The following DPP6 variants were observed in gnomAD, a reference collection of about 807,000 sequenced individuals.
The protein encoded by DPP6 is dipeptidyl peptidase like 6.
A neutral mutation model predicts 122.6 loss-of-function variants in DPP6; 69 were observed. The observed-to-expected ratio is 0.56, with a 90% CI of 0.46 to 0.69. The LOEUF (loss-of-function observed/expected upper bound fraction) is 0.69, where lower values mean the gene tolerates loss of function less well. DPP6 is among the 30% of genes least tolerant of loss of function. DPP6 has a pLI of 0.00. For synonymous variants in DPP6, 418 were observed against 433.1 expected, an observed-to-expected ratio of 0.97 and a Z score of 0.43; for missense variants, 928 against 1,116.9, an observed-to-expected ratio of 0.83 and a Z score of 2.41.
At chr7:154,028,122 G>A (rs1418429260) in intron 1 of DPP6, among the ~76,000 whole-genome samples, 1 of 151,916 alleles carries the variant, frequency 6.6e-6, no homozygotes, top group African/African-American at 2.4e-5. Context: ...TCGCATGGCT[G>A]TGGAGCCGGG....
At chr7:154,532,657 A>G (rs888764699) in intron 3 of DPP6, among the ~76,000 whole-genome samples, 2 of 152,120 alleles carry the variant, frequency 1.3e-5, no homozygotes, top group African/African-American at 4.8e-5. Flanking sequence ...TGCAGATGCC[A>G]CGATCCTACT....
chr7:154,584,858 T>A (rs1832333102), intron 5 of DPP6, among the ~76,000 whole-genome samples: 1 of 152,248 alleles, frequency 6.6e-6, no homozygotes, highest in Non-Finnish European at 1.5e-5. Context: ...CGGCCTCTCA[T>A]TTTAAATGTC....
intron 1 of DPP6, among the ~76,000 whole-genome samples, chr7:153,932,123 CTTT>C (rs11342253): frequency 2.9e-5 from 4 of 135,698 alleles, no homozygotes; most frequent in Admixed American, 7.5e-5. Flanking sequence ...CATTTTGTGC[CTTT>C]TTTTTTTTTT....
At chr7:154,825,295 C>A (rs1164666211) in intron 16 of DPP6, among the ~76,000 whole-genome samples, 1 of 152,182 alleles carries the variant, frequency 6.6e-6, no homozygotes, top group African/African-American at 2.4e-5. Context: ...ACTCAGAAAT[C>A]CACAATACTT....
At chr7:154,838,269 C>T (rs188710849) in intron 16 of DPP6, 5 of 152,298 alleles carry the variant, frequency 3.3e-5, no homozygotes, top group Admixed American at 6.5e-5. Context: ...TTCCAAGATC[C>T]GCTAATCCAA....
At chr7:154,872,838 A>G (rs1185661918) in intron 19 of DPP6, 145 bp downstream of exon 19, 4 of 1,452,612 alleles carry the variant, frequency 2.8e-6, no homozygotes, top group Admixed American at 2.0e-5. Context: ...GTTTAGCCCA[A>G]TGTCAGGTTC....
chr7:154,089,771 C>T (rs1804673764), intron 1 of DPP6, among the ~76,000 whole-genome samples: 1 of 150,014 alleles, frequency 6.7e-6, no homozygotes, highest in Non-Finnish European at 1.5e-5. Context: ...CGACTTTAAT[C>T]TTCTCTGGTT....
chr7:154,273,083 G>T (rs1296693481), intron 1 of DPP6, among the ~76,000 whole-genome samples: 1 of 152,174 alleles, frequency 6.6e-6, no homozygotes, highest in African/African-American at 2.4e-5. Flanking sequence ...TAGTGTAGAA[G>T]AATTTAATGG....
chr7:154,842,330 C>T (rs1261912499), intron 16 of DPP6, among the ~76,000 whole-genome samples: 2 of 152,164 alleles, frequency 1.3e-5, no homozygotes, highest in Non-Finnish European at 2.9e-5. Context: ...AGGATACAGA[C>T]GAGAGGAAGG....
intron 15 of DPP6, among the ~76,000 whole-genome samples, chr7:154,805,902 G>T (rs575237680): frequency 6.6e-6 from 1 of 152,332 alleles, no homozygotes; most frequent in African/African-American, 2.4e-5. Context: ...CGCTGAAGAG[G>T]ATGTTGTTCA....
At chr7:154,575,405 GGTGTT>G (rs1831543898) in intron 5 of DPP6, among the ~76,000 whole-genome samples, 2 of 111,710 alleles carry the variant, frequency 1.8e-5, no homozygotes, top group East Asian at 3.7e-4. Context: ...GTGTGTGTGT[GGTGTT>G]TGTGTATGTG....
At chr7:154,054,581 A>G (rs562709367) in intron 1 of DPP6, among the ~76,000 whole-genome samples, 23 of 152,224 alleles carry the variant, frequency 1.5e-4, no homozygotes, top group African/African-American at 5.5e-4. Context: ...TTAAATAGTC[A>G]TTCAAAGGCA....
intron 1 of DPP6, among the ~76,000 whole-genome samples, chr7:154,331,333 C>G (rs150135399): frequency 1.1e-3 from 175 of 152,314 alleles, no homozygotes; most frequent in Middle Eastern, 3.4e-3. Context: ...TCTCTATGAC[C>G]TACCTGCTGG....
chr7:154,652,003 A>G (rs6962118), intron 6 of DPP6, among the ~76,000 whole-genome samples: 130,715 of 152,204 alleles, frequency 0.86, 56,453 homozygotes, highest in East Asian at 0.98. Context: ...GTATCCCTTA[A>G]GAATTTAAAG....
At chr7:154,498,898 T>C (rs73729313) in intron 3 of DPP6, among the ~76,000 whole-genome samples, 8,486 of 152,254 alleles carry the variant, frequency 0.056, 777 homozygotes, top group African/African-American at 0.19. Flanking sequence ...CAGCCCTTGT[T>C]GAGAAATTAC....
chr7:154,188,200 G>A (rs1471638981), intron 1 of DPP6, among the ~76,000 whole-genome samples: 1 of 152,112 alleles, frequency 6.6e-6, no homozygotes, highest in Non-Finnish European at 1.5e-5. Context: ...GACTGTGAGT[G>A]TACTTGGTGT....
chr7:153,763,610 T>A, the DPP6 span, among the ~76,000 whole-genome samples: 1 of 152,210 alleles, frequency 6.6e-6, no homozygotes, highest in Non-Finnish European at 1.5e-5. Context: ...GAAGTGTTAC[T>A]GTATTGTATC....
At chr7:154,060,609 C>A (rs528944729) in intron 1 of DPP6, among the ~76,000 whole-genome samples, 1 of 140,930 alleles carries the variant, frequency 7.1e-6, no homozygotes, top group South Asian at 2.4e-4. Context: ...CTCTTCCCCC[C>A]CCTGGCTCTG....
At chr7:154,356,412 T>C (rs924880874) in intron 1 of DPP6, among the ~76,000 whole-genome samples, 1 of 152,176 alleles carries the variant, frequency 6.6e-6, no homozygotes, top group African/African-American at 2.4e-5. Context: ...ACCTTAAAAG[T>C]TCTAACTTGG....
Sources: allele counts gnomAD v4.1 joint callset (sites outside exome capture counted in the v4.1 genomes callset), GRCh38; gene constraint gnomAD v4.1.1; transcripts MANE v1.5; gene names NCBI Gene and HGNC (gene_info 2026-07-23, HGNC 2026-07-21).